Variants in MBP observed in about 807,000 individuals in gnomAD.
The protein encoded by MBP is Golli-MBP.
In MBP, 16 loss-of-function variants were observed where a neutral mutation model predicts 35.8. The observed-to-expected ratio is 0.45, with a 90% CI of 0.30 to 0.68. The LOEUF is 0.68. Ranked by LOEUF, MBP falls within the 30% of genes least tolerant of loss-of-function variation. The pLI is 0.08. For synonymous variants in MBP, 143 were observed against 159.6 expected, an observed-to-expected ratio of 0.90 and a Z score of 0.78; for missense variants, 380 against 404.7, an observed-to-expected ratio of 0.94 and a Z score of 0.52.
chr18:76,987,147 T>C (rs186117867), intron 7 of MBP: 2 of 985,450 alleles, frequency 2.0e-6, no homozygotes, highest in East Asian at 2.3e-4. Flanking sequence ...CAACCCCCCA[T>C]CGCTCCACAT....
chr18:76,987,095 A>T, intron 7 of MBP: 1 of 985,490 alleles, frequency 1.0e-6, no homozygotes, highest in Non-Finnish European at 1.2e-6. Context: ...GAGGAATGCA[A>T]GGGTCTTTCT....
intron 3 of MBP, among the ~76,000 whole-genome samples, chr18:77,046,704 T>C (rs1366092294): frequency 1.3e-5 from 2 of 152,266 alleles, no homozygotes; most frequent in African/African-American, 2.4e-5. Context: ...AGCATTGTGG[T>C]TCCACATTAT....
At chr18:77,081,817 T>TACACACACACACAC (rs1301713665) in intron 2 of MBP, among the ~76,000 whole-genome samples, 2 of 53,296 alleles carry the variant, frequency 3.8e-5, no homozygotes, top group Admixed American at 2.3e-4. Flanking sequence ...CACACACATA[T>TACACACACACACAC]ATACACACAC....
At chr18:77,078,032 C>T (rs746477624) in intron 2 of MBP, among the ~76,000 whole-genome samples, 5 of 152,222 alleles carry the variant, frequency 3.3e-5, no homozygotes, top group South Asian at 2.1e-4. Flanking sequence ...TGCAGACCCA[C>T]GTGCCCGCCA....
chr18:77,034,051 C>CAAAA lies in MBP; in HGVS notation c.140-16787_140-16784dup, dbSNP rs398033591. On this transcript the variant is annotated intron_variant, in intron 3 of 8. Transcript: ENST00000355994. Reference sequence around the variant, plus strand: ...CTCTTGTGATTGTTACCTAATGGGGCAAAAAAAAAAAAAAAAAAAAAAAAG... The same window carrying CAAAA: ...CTCTTGTGATTGTTACCTAATGGGGCAAAAAAAAAAAAAAAAAAAAAAAAAAAAG... Among the ~76,000 whole-genome samples, 313 of 70,534 alleles carry CAAAA rather than the reference C, an allele frequency of 4.4e-3. 10 individuals carry two copies. Among genetic ancestry groups the CAAAA allele is most frequent in the African/African-American group, 0.016 (299 of 18,976 alleles). 46.3% of individuals were successfully genotyped at this position (70,534 alleles called of 152,430 possible).
intron 4 of MBP, among the ~76,000 whole-genome samples, chr18:77,007,926 A>G (rs1220100037): frequency 6.6e-6 from 1 of 152,144 alleles, no homozygotes; most frequent in Non-Finnish European, 1.5e-5. Context: ...CCTGCTAAAT[A>G]ATTTTTTTTA....
At chr18:77,098,589 T>A (rs1415475993) in intron 2 of MBP, among the ~76,000 whole-genome samples, 1 of 152,218 alleles carries the variant, frequency 6.6e-6, no homozygotes, top group Non-Finnish European at 1.5e-5. Flanking sequence ...AGGCTGTGTG[T>A]TGTCAGAGAA....
In MBP at chr18:76,989,154, C is replaced by T; in HGVS notation, c.682-242G>A. ...TGTTTCAGAGGATGGAAAACACCTCCCAGAGGCTCCGTAGCTGGGGAATGG... is the reference window on the plus strand; with the variant it reads ...TGTTTCAGAGGATGGAAAACACCTCTCAGAGGCTCCGTAGCTGGGGAATGG... On this transcript the variant is annotated intron_variant, in intron 5 of 8. Coordinates refer to ENST00000355994, the MANE Select transcript of MBP (RefSeq NM_001025101.2). This position sits in a 1 kb window ranked among gnomAD's most constrained non-coding sequence, Gnocchi z 4.0. The T allele has an allele frequency of 5.9e-6, 4 of 673,718 alleles. No individual in the cohort carries two copies. The highest frequency in any genetic ancestry group is 1.1e-5 in the Non-Finnish European group (4 of 367,020). 41.7% of individuals were successfully genotyped at this position (673,718 alleles called of 1,614,324 possible).
chr18:77,019,918 A>G (rs903215554), intron 3 of MBP, among the ~76,000 whole-genome samples: 1 of 152,174 alleles, frequency 6.6e-6, no homozygotes, highest in African/African-American at 2.4e-5. Context: ...AGAACCTCCC[A>G]GGCCAGGCAG....
chr18:77,048,168 G>GAC (rs1973331512), intron 3 of MBP, among the ~76,000 whole-genome samples: 1 of 152,208 alleles, frequency 6.6e-6, no homozygotes, highest in Admixed American at 6.5e-5. Flanking sequence ...CCAGCAGGAA[G>GAC]ACAGCTGTAG....
intron 4 of MBP, among the ~76,000 whole-genome samples, chr18:76,999,377 A>G (rs886588718): frequency 2.6e-5 from 4 of 151,928 alleles, no homozygotes; most frequent in African/African-American, 9.7e-5. Flanking sequence ...AACGCTTGTG[A>G]CGTATAAGGT....
At position 77,105,268 on chromosome 18, in the gene MBP, T is replaced by C; in HGVS notation, c.-7A>G. The C allele has an allele frequency of 6.2e-7, 1 of 1,611,050 alleles. No homozygotes were observed. The highest frequency in any genetic ancestry group is 2.2e-5 in the East Asian group (1 of 44,814). On this transcript the variant is annotated 5_prime_UTR_variant, in exon 2 of 9. Coordinates refer to ENST00000355994, the MANE Select transcript of MBP (RefSeq NM_001025101.2). ...TGCCTGCGTGGTTTCCCATCCTGAA[T>C]GGATTGGCTCTTCAGAGGCTAAAAG...
intron 3 of MBP, among the ~76,000 whole-genome samples, chr18:77,041,588 C>T (rs1050846487): frequency 2.0e-5 from 3 of 151,998 alleles, no homozygotes; most frequent in African/African-American, 7.3e-5. Context: ...CCATGGAATA[C>T]TATGCAGCCA....
At chr18:77,045,141 T>C (rs1973183374) in intron 3 of MBP, among the ~76,000 whole-genome samples, 1 of 152,122 alleles carries the variant, frequency 6.6e-6, no homozygotes, top group South Asian at 2.1e-4. Flanking sequence ...AAAAGGGACA[T>C]TATGTTGGTT....
intron 4 of MBP, chr18:77,009,719 A>C (rs1971221518): frequency 8.9e-6 from 7 of 788,764 alleles, no homozygotes; most frequent in Non-Finnish European, 1.4e-5. Flanking sequence ...TCACGGCCTC[A>C]CAGATGCCCC....
intron 2 of MBP, among the ~76,000 whole-genome samples, chr18:77,099,706 G>A (rs559389060): frequency 2.0e-5 from 3 of 152,230 alleles, no homozygotes. Context: ...ATCCTTTGAG[G>A]GTCCTAAGTA....
At chr18:77,047,623 A>ACTCTGT (rs1973312211) in intron 3 of MBP, among the ~76,000 whole-genome samples, 1 of 152,166 alleles carries the variant, frequency 6.6e-6, no homozygotes, top group Non-Finnish European at 1.5e-5. Context: ...AAATGGCTGA[A>ACTCTGT]CTCTGTGGTT....
At chr18:77,122,537 CT>C (rs1462962478) in intron 1 of MBP, among the ~76,000 whole-genome samples, 1 of 152,158 alleles carries the variant, frequency 6.6e-6, no homozygotes, top group Non-Finnish European at 1.5e-5. Flanking sequence ...TATTTTGTTT[CT>C]TTCTTTTCTT....
intron 3 of MBP, among the ~76,000 whole-genome samples, chr18:77,019,049 CA>C: frequency 1.2e-5 from 1 of 83,024 alleles, no homozygotes; most frequent in East Asian, 3.5e-4. Context: ...TCCATCCATC[CA>C]TCCATCCATC....
Sources: allele counts gnomAD v4.1 joint callset (sites outside exome capture counted in the v4.1 genomes callset), GRCh38; gene constraint gnomAD v4.1.1; non-coding constraint Gnocchi (gnomAD v3.1); transcripts MANE v1.5; gene names NCBI Gene and HGNC (gene_info 2026-07-23, HGNC 2026-07-21).